SCN4B: variants seen among roughly 807,000 people sequenced by gnomAD.
SCN4B encodes sodium channel regulatory subunit beta-4.
Under a neutral mutation model 19.6 loss-of-function variants are expected in SCN4B, and 20 were observed. The ratio of observed to expected loss-of-function variants is 1.02; its 90% CI spans 0.72 to 1.48. The LOEUF (loss-of-function observed/expected upper bound fraction) is 1.48, where lower values mean the gene tolerates loss of function less well. SCN4B is among the 40% of genes most tolerant of loss of function. SCN4B has a pLI of 0.00. For synonymous variants in SCN4B, 127 were observed against 122.8 expected, an observed-to-expected ratio of 1.03 and a Z score of -0.22; for missense variants, 271 against 287.5, an observed-to-expected ratio of 0.94 and a Z score of 0.42.
intron 4 of SCN4B, among the ~76,000 whole-genome samples, chr11:118,140,313 C>T (rs1193884484): frequency 2.6e-5 from 4 of 152,148 alleles, no homozygotes; most frequent in East Asian, 3.9e-4. Flanking sequence ...AGCGCTGCTA[C>T]CTGTATGGCC....
intron 4 of SCN4B, among the ~76,000 whole-genome samples, chr11:118,139,932 C>T (rs1228570778): frequency 1.5e-5 from 2 of 130,210 alleles, no homozygotes; most frequent in Admixed American, 1.8e-4. Context: ...GAGACGAGCT[C>T]TTGCTAAGTT....
chr11:118,148,604 C>T lies in SCN4B; in HGVS notation c.62-3375G>A, dbSNP rs776708594. ...AGCCAGAACAGGAGATTATAAAACACAAGAGGGGCCGCCGTGAGTGGGCAC... is the reference window on the plus strand; with the variant it reads ...AGCCAGAACAGGAGATTATAAAACATAAGAGGGGCCGCCGTGAGTGGGCAC... On this transcript the variant is annotated intron_variant, in intron 1 of 4. Coordinates refer to ENST00000324727, the MANE Select transcript of SCN4B (RefSeq NM_174934.4). The surrounding 1 kb of genome is among the most constrained non-coding windows in gnomAD (Gnocchi z 4.0). Among the ~76,000 whole-genome samples the T allele has an allele frequency of 6.6e-6, 1 of 152,176 alleles. No homozygotes were observed. The highest frequency in any genetic ancestry group is 1.5e-5 in the Non-Finnish European group (1 of 68,032).
chr11:118,143,791 T>C, intron 3 of SCN4B, 42 bp downstream of exon 3: 1 of 1,482,586 alleles, frequency 6.7e-7, no homozygotes. Flanking sequence ...GCCTCCCAAG[T>C]CCTTCCCACG....
chr11:118,140,496 C>T (rs571137529), intron 4 of SCN4B, among the ~76,000 whole-genome samples: 10 of 152,220 alleles, frequency 6.6e-5, no homozygotes, highest in East Asian at 1.9e-4. Context: ...GAAGCCATCT[C>T]GTCGCATCTG....
rs1405093929 is a variant in SCN4B, at chr11:118,135,457, G to A, written c.*1570C>T. 1.1e-5 allele frequency: 5 copies of A among 454,014 alleles called. No homozygotes were observed. The highest frequency in any genetic ancestry group is 7.1e-5 in the Admixed American group (3 of 42,548). The allele number at this position is 454,014 out of a possible 1,614,324, so 28.1% of individuals were successfully genotyped here. Reference sequence around the variant, plus strand: ...AGGGCATCAAAAAATCAGTAAGGGAGAGAGGGATTGGAAGTAGATGGGCAG... The same window carrying A: ...AGGGCATCAAAAAATCAGTAAGGGAAAGAGGGATTGGAAGTAGATGGGCAG... On this transcript the variant is annotated 3_prime_UTR_variant, in exon 5 of 5. Transcript: ENST00000324727.
At chr11:118,141,442 G>T in intron 3 of SCN4B, 106 bp from the exon 4 acceptor site, 2 of 1,375,696 alleles carry the variant, frequency 1.5e-6, no homozygotes. Flanking sequence ...CCACCCCCTG[G>T]CATCCGGGGC....
chr11:118,134,117 G>C lies in SCN4B; in HGVS notation c.*2910C>G. 1 of 454,374 alleles carries C rather than the reference G, an allele frequency of 2.2e-6. No homozygotes were observed. 28.1% of individuals were successfully genotyped at this position (454,374 alleles called of 1,614,324 possible). ...GATCGGCCTGCCATATGTAGTCTGA[G>C]CCCCATCGGCTGCTCTCCCCAGGCC... is the stretch of plus-strand genomic sequence containing the variant. On this transcript the variant is annotated 3_prime_UTR_variant, in exon 5 of 5. Coordinates refer to ENST00000324727, the MANE Select transcript of SCN4B (RefSeq NM_174934.4).
intron 3 of SCN4B, among the ~76,000 whole-genome samples, chr11:118,143,273 G>C (rs183830122): frequency 5.9e-4 from 90 of 152,298 alleles, no homozygotes; most frequent in African/African-American, 2.1e-3. Flanking sequence ...ATCCTAGGTA[G>C]GATGTAAGCC....
intron 1 of SCN4B, among the ~76,000 whole-genome samples, chr11:118,151,931 T>C (rs190995788): frequency 3.5e-4 from 53 of 152,346 alleles, no homozygotes; most frequent in Non-Finnish European, 5.4e-4. Context: ...CCATATTCAC[T>C]TCAAAAATGA....
Position 118,152,694 on chromosome 11 carries a change from G to GCGCGGGGGT in SCN4B, c.-30_-22dup. 1 of 1,576,158 alleles carries GCGCGGGGGT rather than the reference G, an allele frequency of 6.3e-7. No homozygotes were observed. Among genetic ancestry groups the GCGCGGGGGT allele is most frequent in the Non-Finnish European group, 8.7e-7 (1 of 1,152,780 alleles). On this transcript the variant is annotated 5_prime_UTR_variant, in exon 1 of 5. Coordinates refer to ENST00000324727, the MANE Select transcript of SCN4B (RefSeq NM_174934.4). ...GGCATAGTCCTGTTCTCTCCGGAGC[G>GCGCGGGGGT]CGCGGGGGTCGCGGGGATGGGATAC...
chr11:118,137,732 G>T (rs995200377), intron 4 of SCN4B, among the ~76,000 whole-genome samples: 1 of 152,150 alleles, frequency 6.6e-6, no homozygotes, highest in Non-Finnish European at 1.5e-5. Flanking sequence ...TCTCAACATG[G>T]CAGGAAGCAA....
In SCN4B at chr11:118,135,060, A is replaced by G; in HGVS notation, c.*1967T>C. 1 of 454,120 alleles carries G rather than the reference A, an allele frequency of 2.2e-6. No homozygotes were observed. The highest frequency in any genetic ancestry group is 4.4e-6 in the Non-Finnish European group (1 of 226,786). 28.1% of individuals were successfully genotyped at this position (454,120 alleles called of 1,614,324 possible). ...GTGCTCTGCCTCTTCAAATGTCACC[A>G]TTGAGAAGGAAGAAGAAAACAGTTT... On this transcript the variant is annotated 3_prime_UTR_variant, in exon 5 of 5. Transcript: ENST00000324727.
intron 4 of SCN4B, among the ~76,000 whole-genome samples, chr11:118,140,345 T>G (rs1246123601): frequency 6.6e-6 from 1 of 152,030 alleles, no homozygotes; most frequent in African/African-American, 2.4e-5. Flanking sequence ...CCAACTTCCA[T>G]CCCCTCTTTC....
chr11:118,133,620 G>C lies in SCN4B; in HGVS notation c.*3407C>G. The C allele has an allele frequency of 2.2e-6, 1 of 454,548 alleles. No individual in the cohort carries two copies. 28.2% of individuals were successfully genotyped at this position (454,548 alleles called of 1,614,324 possible). ...GACTATGGGTATTGTTGTCATCCAA[G>C]CCAGAGGAATAAACCATGCATAAGA... On this transcript the variant is annotated 3_prime_UTR_variant, in exon 5 of 5. Transcript: ENST00000324727.
intron 2 of SCN4B, among the ~76,000 whole-genome samples, chr11:118,144,776 T>G (rs1331828679): frequency 6.6e-6 from 1 of 152,192 alleles, no homozygotes; most frequent in African/African-American, 2.4e-5. Context: ...AAACTATTGA[T>G]TTTTAGACAA....
chr11:118,137,098 A>G lies in SCN4B; in HGVS notation c.616T>C (p.Ser206Pro). 2 of 1,613,792 alleles carry G rather than the reference A, an allele frequency of 1.2e-6. No homozygotes were observed. Among genetic ancestry groups the G allele is most frequent in the Non-Finnish European group, 1.7e-6 (2 of 1,179,746 alleles). ...EKKKECLVSS[S>P]GNDNTENGLP... ...CCGTTCTCCGTGTTGTCATTCCCCG[A>G]GGAGCTCACGAGACACTCCTTCCTG... is the stretch of plus-strand genomic sequence containing the variant. Residue 206 changes from serine to proline, a missense_variant, in exon 5 of 5, where the codon TCG becomes CCG. Transcript: ENST00000324727.
At chr11:118,145,647 A>T (rs1948163582) in intron 1 of SCN4B, 8 of 359,666 alleles carry the variant, frequency 2.2e-5, no homozygotes, top group South Asian at 1.9e-4. Context: ...CCCCTAGGAC[A>T]GTACGCGCCT....
chr11:118,141,178 G>A lies in SCN4B; in HGVS notation c.593+29C>T, dbSNP rs762342199. 9 of 1,612,602 alleles carry A rather than the reference G, an allele frequency of 5.6e-6. No individual in the cohort carries two copies. The South Asian group carries it at 6.6e-5, about 12-fold the overall frequency. ...ATGAGAGGGTGGTGGGCTGCTGGGA[G>A]GACAGGAGTGTGCTCCAGATCAACT... is the stretch of plus-strand genomic sequence containing the variant. On this transcript the variant is annotated intron_variant, in intron 4 of 4. Coordinates refer to ENST00000324727, the MANE Select transcript of SCN4B (RefSeq NM_174934.4).
chr11:118,145,530 C>G (rs909729599), intron 1 of SCN4B: 35 of 1,244,106 alleles, frequency 2.8e-5, no homozygotes, highest in Non-Finnish European at 3.5e-5. Flanking sequence ...TGCCGCGAAC[C>G]GCGCCCCGGC....
Sources: allele counts gnomAD v4.1 joint callset (sites outside exome capture counted in the v4.1 genomes callset), GRCh38; gene constraint gnomAD v4.1.1; non-coding constraint Gnocchi (gnomAD v3.1); transcripts MANE v1.5; gene names NCBI Gene and HGNC (gene_info 2026-07-23, HGNC 2026-07-21).